The following AGTPBP1 variants were observed in gnomAD, a reference collection of about 807,000 sequenced individuals.
AGTPBP1 encodes the protein cytosolic carboxypeptidase 1.
Under a neutral mutation model 143.9 loss-of-function variants are expected in AGTPBP1, and 70 were observed. The ratio of observed to expected loss-of-function variants is 0.49; its 90% CI spans 0.40 to 0.59. The LOEUF is 0.59. Among genes scored for constraint, AGTPBP1 ranks in the 20% least tolerant of loss-of-function variants. AGTPBP1 has a pLI of 0.00. For missense variants in AGTPBP1, 1,229 were observed against 1,464.5 expected (o/e 0.84, Z 2.62); for synonymous variants, 463 against 500.2 (o/e 0.93, Z 0.99).
At chr9:85,769,205 T>C in the AGTPBP1 span, among the ~76,000 whole-genome samples, 30 of 152,270 alleles carry the variant, frequency 2.0e-4, no homozygotes, top group African/African-American at 6.7e-4. Flanking sequence ...GTTCAAACTA[T>C]GTGATAGGTA....
chr9:85,681,198 CAT>C, intron 4 of AGTPBP1, 68 bp downstream of exon 4: 1 of 1,355,812 alleles, frequency 7.4e-7, no homozygotes, highest in Non-Finnish European at 1.0e-6. Context: ...TATACACACA[CAT>C]ACGCTTTTTC....
chr9:85,688,584 TA>T (rs1835644414), intron 3 of AGTPBP1, among the ~76,000 whole-genome samples: 1 of 151,996 alleles, frequency 6.6e-6, no homozygotes, highest in South Asian at 2.1e-4. Flanking sequence ...CTATAGAAAC[TA>T]AAAGGATTAT....
Position 85,572,004 on chromosome 9 carries a change from G to GTTTTTT in AGTPBP1, c.3503+3305_3503+3310dup, listed in dbSNP as rs55882437. On this transcript the variant is annotated intron_variant, in intron 25 of 25. Transcript: ENST00000357081. ...TGGCCATTATTAGTTGTTTGTGTGT[G>GTTTTTT]TTTTTTTTTTTTTTTTTTTTTTTTT... Among the ~76,000 whole-genome samples, 192 of 43,404 alleles carry GTTTTTT rather than the reference G, an allele frequency of 4.4e-3. 27 individuals carry two copies. The highest frequency in any genetic ancestry group is 0.01 in the East Asian group (9 of 888). 28.5% of individuals were successfully genotyped at this position (43,404 alleles called of 152,430 possible).
At chr9:85,569,124 CCT>C (rs748590295) in intron 25 of AGTPBP1, among the ~76,000 whole-genome samples, 15 of 152,086 alleles carry the variant, frequency 9.9e-5, no homozygotes, top group Non-Finnish European at 1.8e-4. Context: ...ACACACCACC[CCT>C]GTTTCCCCCC....
chr9:85,746,244 T>C (rs567133005), upstream of AGTPBP1, among the ~76,000 whole-genome samples: 1 of 152,134 alleles, frequency 6.6e-6, no homozygotes, highest in East Asian at 1.9e-4. Flanking sequence ...CCTCACCCCC[T>C]CTGTGGACAT....
At chr9:85,603,284 G>A (rs1474725440) in intron 17 of AGTPBP1, among the ~76,000 whole-genome samples, 2 of 152,194 alleles carry the variant, frequency 1.3e-5, no homozygotes, top group Non-Finnish European at 2.9e-5. Flanking sequence ...AGACGGGAGA[G>A]TAAAAAGGTC....
intron 17 of AGTPBP1, among the ~76,000 whole-genome samples, chr9:85,604,798 A>T (rs1401183815): frequency 6.6e-6 from 1 of 152,174 alleles, no homozygotes; most frequent in African/African-American, 2.4e-5. Flanking sequence ...TAATTTTTAA[A>T]AACCAAGCAG....
At chr9:85,760,530 C>G in the AGTPBP1 span, among the ~76,000 whole-genome samples, 8 of 152,186 alleles carry the variant, frequency 5.3e-5, no homozygotes, top group African/African-American at 1.4e-4. Context: ...ACATGATTGT[C>G]TCAATAGATG....
At chr9:85,696,322 A>AAT (rs1225165781) in intron 2 of AGTPBP1, among the ~76,000 whole-genome samples, 1 of 152,248 alleles carries the variant, frequency 6.6e-6, no homozygotes, top group Non-Finnish European at 1.5e-5. Context: ...GAATTTTCTC[A>AAT]TAAAATCAAT....
intron 8 of AGTPBP1, among the ~76,000 whole-genome samples, chr9:85,666,083 T>G (rs1274116934): frequency 2.6e-5 from 4 of 152,118 alleles, no homozygotes; most frequent in Non-Finnish European, 5.9e-5. Flanking sequence ...CAAAGAATAC[T>G]ACAAGCAACA....
At chr9:85,547,870 T>C (rs1825816613) in intron 25 of AGTPBP1, among the ~76,000 whole-genome samples, 1 of 152,164 alleles carries the variant, frequency 6.6e-6, no homozygotes, top group Admixed American at 6.5e-5. Flanking sequence ...GAATAAGACA[T>C]TTGCTTAAAA....
chr9:85,685,386 T>C (rs1835429024), intron 3 of AGTPBP1, among the ~76,000 whole-genome samples: 1 of 151,852 alleles, frequency 6.6e-6, no homozygotes. Context: ...AAATCACACA[T>C]AACATTCAGG....
At chr9:85,573,516 T>C (rs10125233) in intron 25 of AGTPBP1, among the ~76,000 whole-genome samples, 42,293 of 151,858 alleles carry the variant, frequency 0.28, 8,669 homozygotes, top group African/African-American at 0.56. Context: ...AGCCTCTGCC[T>C]GGCCGCCACC....
chr9:85,685,969 C>G (rs572700221), intron 3 of AGTPBP1, among the ~76,000 whole-genome samples: 1 of 151,784 alleles, frequency 6.6e-6, no homozygotes, highest in South Asian at 2.1e-4. Context: ...AGAGGTATAA[C>G]TAAAAAGCCA....
intron 3 of AGTPBP1, among the ~76,000 whole-genome samples, chr9:85,683,682 C>T (rs1275674003): frequency 6.6e-6 from 1 of 152,106 alleles, no homozygotes; most frequent in Non-Finnish European, 1.5e-5. Context: ...AAAATCCTTC[C>T]CTCTGTGCTC....
chr9:85,610,708 T>A (rs879506081), intron 17 of AGTPBP1, among the ~76,000 whole-genome samples: 3 of 152,200 alleles, frequency 2.0e-5, no homozygotes, highest in Admixed American at 2.0e-4. Flanking sequence ...ATTTCAATCA[T>A]GTCTGACAAT....
In AGTPBP1 at chr9:85,642,916, T is replaced by C. The variant is rs1305052571; in HGVS notation, c.1213A>G (p.Lys405Glu). 1.2e-6 allele frequency: 2 copies of C among 1,613,108 alleles called. No homozygotes were observed. Among genetic ancestry groups the C allele is most frequent in the South Asian group, 2.2e-5 (2 of 90,964 alleles). The change falls in exon 13 of 26, where the codon AAA (lysine) becomes GAA (glutamate). Residue 405 changes from lysine to glutamate, a missense_variant. By Grantham distance (56) the Lys-to-Glu change is moderately conservative. This residue lies in a region of AGTPBP1 where 743 missense variants were observed against 812.2 expected (regional missense o/e 0.91). Coordinates refer to ENST00000357081, the MANE Select transcript of AGTPBP1 (RefSeq NM_001330701.2). ...CCCGGTTCTTGCTGGGGTTTTAGTTTGTTAATATCTGTTTCAATATCATCA... is the reference window on the plus strand; with the variant it reads ...CCCGGTTCTTGCTGGGGTTTTAGTTCGTTAATATCTGTTTCAATATCATCA... ...KNDDIETDINKLKPQQEPGRT... is the reference protein window; with the variant it reads ...KNDDIETDINELKPQQEPGRT...
chr9:85,660,940 T>C lies in AGTPBP1; in HGVS notation c.696A>G (p.Lys232=). Residue 232 remains lysine (K), a synonymous_variant, in exon 9 of 26, where the codon AAA becomes AAG. Coordinates refer to ENST00000357081, the MANE Select transcript of AGTPBP1 (RefSeq NM_001330701.2). ...VALDTLAALL[K]SKTNARRAVD... ...TTCTAGTATTTAAAAACTTACTTGA[T>C]TTTAGCAATGCAGCAAGAGTGTCTA... is the stretch of plus-strand genomic sequence containing the variant. The C allele has an allele frequency of 6.3e-7, 1 of 1,586,878 alleles. No homozygotes were observed. The highest frequency in any genetic ancestry group is 8.6e-7 in the Non-Finnish European group (1 of 1,168,784).
chr9:85,637,132 C>A (rs1223826903), intron 13 of AGTPBP1, among the ~76,000 whole-genome samples: 1 of 151,304 alleles, frequency 6.6e-6, no homozygotes, highest in Non-Finnish European at 1.5e-5. Flanking sequence ...ACCTCCAGCT[C>A]CCGGGATTAA....
Sources: allele counts gnomAD v4.1 joint callset (sites outside exome capture counted in the v4.1 genomes callset), GRCh38; gene constraint gnomAD v4.1.1; regional missense constraint gnomAD v4.1.1; transcripts MANE v1.5; gene names NCBI Gene and HGNC (gene_info 2026-07-23, HGNC 2026-07-21).